The following SLC14A1 variants were observed in gnomAD, a reference collection of about 807,000 sequenced individuals.
The protein encoded by SLC14A1 is solute carrier family 14 member 1 (Kidd blood group).
Under a neutral mutation model 39.6 loss-of-function variants are expected in SLC14A1, and 36 were observed. That is an observed-to-expected ratio of 0.91 (90% CI 0.70 to 1.20). The LOEUF is 1.20. Ranked by LOEUF, SLC14A1 falls within the 50% of genes most tolerant of loss-of-function variation. The pLI is 0.00. For synonymous variants in SLC14A1, 164 were observed against 173.6 expected, an observed-to-expected ratio of 0.94 and a Z score of 0.43; for missense variants, 469 against 478.7, an observed-to-expected ratio of 0.98 and a Z score of 0.19.
Position 45,752,091 on chromosome 18 carries a change from C to T in SLC14A1, c.*2140C>T, listed in dbSNP as rs2047726230. On this transcript the variant is annotated 3_prime_UTR_variant, in exon 10 of 10. Coordinates refer to ENST00000321925, the MANE Select transcript of SLC14A1 (RefSeq NM_015865.7). ...AACCCAGTGACCAAAGCCTTTGGAACTATGAATTTGCAACTGTCATAGGTT... is the reference window on the plus strand; with the variant it reads ...AACCCAGTGACCAAAGCCTTTGGAATTATGAATTTGCAACTGTCATAGGTT... The T allele has an allele frequency of 2.0e-6, 2 of 985,266 alleles. No individual in the cohort carries two copies. Among genetic ancestry groups the T allele is most frequent in the East Asian group, 2.3e-4 (2 of 8,824 alleles). 61.0% of individuals were successfully genotyped at this position (985,266 alleles called of 1,614,324 possible). A position where few individuals can be genotyped will look rare whatever the true frequency, so the allele number is the denominator to read the frequency against.
At chr18:45,746,866 AAGAC>A (rs1219397445) in intron 8 of SLC14A1, among the ~76,000 whole-genome samples, 2 of 152,210 alleles carry the variant, frequency 1.3e-5, no homozygotes, top group African/African-American at 4.8e-5. Flanking sequence ...ACTAGATTCC[AAGAC>A]AGTGATTTGT....
At position 45,749,828 on chromosome 18, in the gene SLC14A1, C is replaced by T. The variant is rs765082645; in HGVS notation, c.1047C>T (p.Phe349=). ...CCTTCTGTTTGGCCACGCTATTGTT[C>T]CTCATCATGACCACAAAAAATTCCA... is the stretch of plus-strand genomic sequence containing the variant. ...TWPFCLATLL[F]LIMTTKNSNI... is the part of the protein sequence containing the mutation. Residue 349 remains phenylalanine (F), a synonymous_variant, in exon 10 of 10, where the codon TTC becomes TTT. Transcript: ENST00000321925. The T allele has an allele frequency of 3.1e-5, 50 of 1,614,042 alleles. No individual in the cohort carries two copies. Among genetic ancestry groups the T allele is most frequent in the Middle Eastern group, 1.6e-4 (1 of 6,084 alleles).
intron 5 of SLC14A1, 107 bp downstream of exon 5, chr18:45,734,509 A>G: frequency 8.7e-7 from 1 of 1,154,364 alleles, no homozygotes. Flanking sequence ...AAGATGAAAT[A>G]TGTTCTCTGA....
intron 8 of SLC14A1, among the ~76,000 whole-genome samples, chr18:45,742,671 T>TTA (rs2047417912): frequency 2.8e-5 from 1 of 35,344 alleles, no homozygotes; most frequent in East Asian, 2.5e-3. Context: ...GCTGAGTTTT[T>TTA]TGTTTTATGT....
chr18:45,745,016 G>A (rs768132185), intron 8 of SLC14A1, among the ~76,000 whole-genome samples: 1 of 152,134 alleles, frequency 6.6e-6, no homozygotes, highest in Non-Finnish European at 1.5e-5. Context: ...AGGCCAAGGC[G>A]GGTGGATCAC....
Position 45,751,751 on chromosome 18 carries a change from C to T in SLC14A1, c.*1800C>T, listed in dbSNP as rs57047877. The T allele has an allele frequency of 9.5e-3, 6,150 of 650,048 alleles. 342 individuals are homozygous for T. In the African/African-American group the frequency reaches 0.11, roughly 12 times the overall value. 40.3% of individuals were successfully genotyped at this position (650,048 alleles called of 1,614,324 possible). A position where few individuals can be genotyped will look rare whatever the true frequency, so the allele number is the denominator to read the frequency against. On this transcript the variant is annotated 3_prime_UTR_variant, in exon 10 of 10. Transcript: ENST00000321925. Reference sequence around the variant, plus strand: ...GCTATATGATCATGTCACTGCACTCCAGCCTGTGTGACCGAGCAAGACCCT... The same window carrying T: ...GCTATATGATCATGTCACTGCACTCTAGCCTGTGTGACCGAGCAAGACCCT...
chr18:45,727,412 G>A (rs1214467700), intron 2 of SLC14A1: 3 of 1,547,784 alleles, frequency 1.9e-6, no homozygotes, highest in East Asian at 2.4e-5. Flanking sequence ...ATGGGTCGCA[G>A]GAACAGGTAT....
At chr18:45,730,512 C>T (rs1883733916) in intron 3 of SLC14A1, 41 bp downstream of exon 3, 2 of 1,606,856 alleles carry the variant, frequency 1.2e-6, no homozygotes, top group African/African-American at 2.7e-5. Context: ...GGAGAAGTAG[C>T]TTTGGGGGAA....
chr18:45,738,819 G>A (rs1466366962), intron 6 of SLC14A1, among the ~76,000 whole-genome samples: 1 of 152,106 alleles, frequency 6.6e-6, no homozygotes, highest in African/African-American at 2.4e-5. Flanking sequence ...CCAGTAGGAG[G>A]CAAGGCAGAT....
At chr18:45,741,797 G>A (rs558764062) in intron 8 of SLC14A1, among the ~76,000 whole-genome samples, 1 of 151,250 alleles carries the variant, frequency 6.6e-6, no homozygotes, top group South Asian at 2.1e-4. Flanking sequence ...TCTGAGATTG[G>A]TTAGGGGTTT....
At position 45,751,785 on chromosome 18, in the gene SLC14A1, AAAAT is replaced by A. The variant is rs938261844; in HGVS notation, c.*1835_*1838del. 442 of 803,942 alleles carry A rather than the reference AAAAT, an allele frequency of 5.5e-4. 1 individual carries two copies. The highest frequency in any genetic ancestry group is 6.5e-4 in the Middle Eastern group (1 of 1,540). 49.8% of individuals were successfully genotyped at this position (803,942 alleles called of 1,614,324 possible). ...TGACCGAGCAAGACCCTATCTCAAAAAAATTAATTAATTAATTAATTAATTAATT... is the reference window on the plus strand; with the variant it reads ...TGACCGAGCAAGACCCTATCTCAAAATAATTAATTAATTAATTAATTAATT... On this transcript the variant is annotated 3_prime_UTR_variant, in exon 10 of 10. Coordinates refer to ENST00000321925, the MANE Select transcript of SLC14A1 (RefSeq NM_015865.7).
In SLC14A1 at chr18:45,731,088, C is replaced by T. The variant is rs140257106; in HGVS notation, c.225C>T (p.Pro75=). ...GISQVVFVNN[P]VSGILILVGL... is the part of the protein sequence containing the mutation. ...CCCAAGTGGTGTTCGTCAACAACCC[C>T]GTCAGTGGAATCCTGATTCTGGTAG... The change falls in exon 4 of 10, where the codon CCC becomes CCT. Residue 75 remains proline (P), a synonymous_variant. Coordinates refer to ENST00000321925, the MANE Select transcript of SLC14A1 (RefSeq NM_015865.7). 17 of 1,614,124 alleles carry T rather than the reference C, an allele frequency of 1.1e-5. No individual in the cohort carries two copies. The highest frequency in any genetic ancestry group is 1.6e-4 in the Middle Eastern group (1 of 6,062).
chr18:45,734,126 C>A, intron 4 of SLC14A1, 148 bp from the exon 5 acceptor site: 1 of 978,238 alleles, frequency 1.0e-6, no homozygotes, highest in South Asian at 1.4e-5. Context: ...AGTTTTTGTA[C>A]GATGCTTACG....
At chr18:45,734,426 ATGCCT>A (rs777869206) in intron 5 of SLC14A1, 24 bp downstream of exon 5, 1 of 1,552,294 alleles carries the variant, frequency 6.4e-7, no homozygotes, top group South Asian at 1.1e-5. Flanking sequence ...GGTTTTCAAA[ATGCCT>A]TTTTGAAAAA....
chr18:45,751,934 C>T lies in SLC14A1; in HGVS notation c.*1983C>T, dbSNP rs1197580714. On this transcript the variant is annotated 3_prime_UTR_variant, in exon 10 of 10. Transcript: ENST00000321925. ...TTTTCCACTTCTAGTTTGCAGTGCT[C>T]AGTGCACAATATACATTTTGCTGAA... The T allele has an allele frequency of 7.1e-6, 7 of 985,114 alleles. No homozygotes were observed. The highest frequency in any genetic ancestry group is 4.7e-5 in the South Asian group (1 of 21,288). 61.0% of individuals were successfully genotyped at this position (985,114 alleles called of 1,614,324 possible). A position where few individuals can be genotyped will look rare whatever the true frequency, so the allele number is the denominator to read the frequency against.
At position 45,751,132 on chromosome 18, in the gene SLC14A1, GA is replaced by G; in HGVS notation, c.*1182del. ...AGGCGGGCAGATTGCTTGAACCCAG[GA>G]GTTCAAGACCAGCCTGGGCAGCATG... On this transcript the variant is annotated 3_prime_UTR_variant, in exon 10 of 10. Coordinates refer to ENST00000321925, the MANE Select transcript of SLC14A1 (RefSeq NM_015865.7). 1.5e-6 allele frequency: 1 copy of G among 663,738 alleles called. No homozygotes were observed. Among genetic ancestry groups the G allele is most frequent in the Non-Finnish European group, 1.9e-6 (1 of 536,338 alleles). The allele number at this position is 663,738 out of a possible 1,614,324, so 41.1% of individuals were successfully genotyped here. A position where few individuals can be genotyped will look rare whatever the true frequency, so the allele number is the denominator to read the frequency against.
Position 45,752,119 on chromosome 18 carries a change from T to C in SLC14A1, c.*2168T>C. ...TGAATTTGCAACTGTCATAGGTTTA[T>C]GGATATTGCTGTGGAGAAGCTCAAT... On this transcript the variant is annotated 3_prime_UTR_variant, in exon 10 of 10. Coordinates refer to ENST00000321925, the MANE Select transcript of SLC14A1 (RefSeq NM_015865.7). 1.0e-6 allele frequency: 1 copy of C among 985,432 alleles called. No homozygotes were observed. The highest frequency in any genetic ancestry group is 1.2e-6 in the Non-Finnish European group (1 of 829,926). 61.0% of individuals were successfully genotyped at this position (985,432 alleles called of 1,614,324 possible). A position where few individuals can be genotyped will look rare whatever the true frequency, so the allele number is the denominator to read the frequency against.
chr18:45,725,576 G>A (rs1440753026), intron 2 of SLC14A1, among the ~76,000 whole-genome samples: 3 of 152,114 alleles, frequency 2.0e-5, no homozygotes, highest in Non-Finnish European at 4.4e-5. Flanking sequence ...TGTGCCCACC[G>A]CATCGCTAAG....
chr18:45,750,446 A>G lies in SLC14A1; in HGVS notation c.*495A>G, dbSNP rs2047675302. Reference sequence around the variant, plus strand: ...ATGCAAGTTACACATTATAGCCAGAATCTGTATCACAGAGGTGCAAGCTGA... The same window carrying G: ...ATGCAAGTTACACATTATAGCCAGAGTCTGTATCACAGAGGTGCAAGCTGA... On this transcript the variant is annotated 3_prime_UTR_variant, in exon 10 of 10. Coordinates refer to ENST00000321925, the MANE Select transcript of SLC14A1 (RefSeq NM_015865.7). 1.1e-5 allele frequency: 12 copies of G among 1,064,950 alleles called. No homozygotes were observed. The South Asian group carries it at 3.4e-4, about 30-fold the overall frequency. The allele number at this position is 1,064,950 out of a possible 1,614,324, so 66.0% of individuals were successfully genotyped here.
Sources: gnomAD v4.1 joint callset for allele counts (sites outside exome capture counted in the v4.1 genomes callset) on GRCh38, gnomAD v4.1.1 for gene constraint, MANE v1.5 for transcripts, NCBI Gene and HGNC (gene_info 2026-07-23, HGNC 2026-07-21) for gene names.